Variants in KCNH1 observed in about 807,000 individuals in gnomAD.
KCNH1 encodes voltage-gated delayed rectifier potassium channel KCNH1.
Under a neutral mutation model 69.2 loss-of-function variants are expected in KCNH1, and 27 were observed. The ratio of observed to expected loss-of-function variants is 0.39; its 90% CI spans 0.29 to 0.54. KCNH1 has a LOEUF of 0.54. KCNH1 is among the 20% of genes least tolerant of loss of function. The probability of loss-of-function intolerance (pLI) is 0.68; values close to 1 mark genes in which losing one functional copy is unlikely to be tolerated. For synonymous variants in KCNH1, 456 were observed against 487.7 expected (o/e 0.93, Z 0.86); for missense variants, 798 against 1,261.6 (o/e 0.63, Z 5.57).
chr1:210,856,893 AT>A (rs1172769535), intron 7 of KCNH1, among the ~76,000 whole-genome samples: 4 of 136,416 alleles, frequency 2.9e-5, no homozygotes, highest in Non-Finnish European at 6.3e-5. Context: ...ATATATATAT[AT>A]ATATAAAATA....
chr1:210,916,828 G>A (rs529494507), intron 7 of KCNH1, among the ~76,000 whole-genome samples: 2 of 152,184 alleles, frequency 1.3e-5, no homozygotes, highest in Non-Finnish European at 2.9e-5. Context: ...ATGCAGAAGT[G>A]ACTACCCGTG....
intron 7 of KCNH1, among the ~76,000 whole-genome samples, chr1:210,865,041 T>C (rs1012383920): frequency 2.6e-5 from 4 of 152,194 alleles, no homozygotes; most frequent in Non-Finnish European, 5.9e-5. Context: ...ACTTAGCCTA[T>C]CACTATAATG....
chr1:211,059,724 C>T (rs560735872), intron 5 of KCNH1, among the ~76,000 whole-genome samples: 4 of 151,612 alleles, frequency 2.6e-5, no homozygotes, highest in Admixed American at 2.6e-4. Flanking sequence ...GCCTGGGCGA[C>T]AGAGCGAGAC....
At position 210,735,481 on chromosome 1, in the gene KCNH1, C is replaced by T. The variant is rs74929613; in HGVS notation, c.2112+39867G>A. ...GTGTGTGTGTGATGCTGGGATGGGGCGGGGGAAGTGTTGATAGGTGCCAGG... is the reference window on the plus strand; with the variant it reads ...GTGTGTGTGTGATGCTGGGATGGGGTGGGGGAAGTGTTGATAGGTGCCAGG... On this transcript the variant is annotated intron_variant, in intron 10 of 10. Coordinates refer to ENST00000271751, the MANE Select transcript of KCNH1 (RefSeq NM_172362.3). Among the ~76,000 whole-genome samples, 847 of 136,580 alleles carry T rather than the reference C, an allele frequency of 6.2e-3. 10 individuals carry two copies. Among genetic ancestry groups the T allele is most frequent in the East Asian group, 0.039 (181 of 4,638 alleles). The allele number at this position is 136,580 out of a possible 152,430, so 89.6% of individuals were successfully genotyped here.
At chr1:210,685,613 C>T in intron 10 of KCNH1, among the ~76,000 whole-genome samples, 1 of 152,218 alleles carries the variant, frequency 6.6e-6, no homozygotes, top group East Asian at 1.9e-4. Context: ...AGGAAAATCT[C>T]TACTTTTCAG....
chr1:210,790,135 T>A (rs1295789949), intron 9 of KCNH1, among the ~76,000 whole-genome samples: 1 of 152,236 alleles, frequency 6.6e-6, no homozygotes, highest in African/African-American at 2.4e-5. Context: ...TTTAGAAAAC[T>A]ATTCCTATGT....
rs773735492 is a variant in KCNH1, at chr1:210,683,648, G to A, written c.2603C>T (p.Ala868Val). 4.1e-5 allele frequency: 66 copies of A among 1,614,062 alleles called. No homozygotes were observed. The highest frequency in any genetic ancestry group is 3.3e-4 in the Middle Eastern group (2 of 6,084). ...SMETLPERTK[A>V]SGEATLKKTD... ...CTTCTTCAGTGTGGCCTCGCCTGAC[G>A]CTTTTGTCCTCTCGGGAAGTGTCTC... Residue 868 changes from alanine to valine, a missense_variant, in exon 11 of 11, where the codon GCG (alanine) becomes GTG (valine). Transcript: ENST00000271751. This position sits in a 1 kb window ranked among gnomAD's most constrained non-coding sequence, Gnocchi z 5.7.
chr1:210,894,414 C>T (rs1686817398), intron 7 of KCNH1, among the ~76,000 whole-genome samples: 1 of 152,160 alleles, frequency 6.6e-6, no homozygotes, highest in South Asian at 2.1e-4. Context: ...TGTGCAAGCA[C>T]CAGTCACTGT....
chr1:210,903,504 A>T (rs1687037770), intron 7 of KCNH1, among the ~76,000 whole-genome samples: 1 of 152,236 alleles, frequency 6.6e-6, no homozygotes, highest in Admixed American at 6.5e-5. Flanking sequence ...GTATTTCATT[A>T]TATCAACAAA....
chr1:210,710,442 C>T (rs1052479507), intron 10 of KCNH1, among the ~76,000 whole-genome samples: 47 of 151,812 alleles, frequency 3.1e-4, no homozygotes, highest in African/African-American at 1.1e-3. Context: ...GAGAGATATA[C>T]GAAGAGATGT....
intron 6 of KCNH1, among the ~76,000 whole-genome samples, chr1:211,008,867 C>T (rs1428154073): frequency 6.6e-6 from 1 of 152,098 alleles, no homozygotes; most frequent in African/African-American, 2.4e-5. Context: ...AGGAGATTAG[C>T]TATAACAAAG....
intron 6 of KCNH1, among the ~76,000 whole-genome samples, chr1:210,937,969 A>G (rs1037252801): frequency 3.3e-5 from 5 of 152,152 alleles, no homozygotes; most frequent in Admixed American, 6.6e-5. Context: ...CTATTCACTA[A>G]TGACCTGCAA....
intron 10 of KCNH1, among the ~76,000 whole-genome samples, chr1:210,725,508 T>C (rs908008087): frequency 6.6e-6 from 1 of 152,168 alleles, no homozygotes. Flanking sequence ...ATGATGGACC[T>C]GCCTATGGCT....
chr1:210,982,793 G>A (rs1298599413), intron 6 of KCNH1, among the ~76,000 whole-genome samples: 1 of 152,186 alleles, frequency 6.6e-6, no homozygotes, highest in Non-Finnish European at 1.5e-5. Context: ...CCAGTAATGG[G>A]ATGGCTGGGT....
intron 7 of KCNH1, among the ~76,000 whole-genome samples, chr1:210,857,190 A>T (rs1685869091): frequency 6.6e-6 from 1 of 151,566 alleles, no homozygotes; most frequent in African/African-American, 2.4e-5. Flanking sequence ...GTTACTGTTC[A>T]CACCAGCGAC....
At chr1:210,896,572 A>G (rs1025519998) in intron 7 of KCNH1, among the ~76,000 whole-genome samples, 1 of 152,230 alleles carries the variant, frequency 6.6e-6, no homozygotes, top group Non-Finnish European at 1.5e-5. Context: ...GCTGGACCCT[A>G]GACCCTCAGC....
rs1257176156 is a variant in KCNH1 at position 211,103,531 on chromosome 1, A to C, written c.275T>G (p.Met92Arg). 84 of 1,613,118 alleles carry C rather than the reference A, an allele frequency of 5.2e-5. No individual in the cohort carries two copies. The highest frequency in any genetic ancestry group is 6.7e-5 in the Non-Finnish European group (79 of 1,179,438). ...GTACATCAGAATTTCAAAGGAATTC[A>C]TCTCATAGTTCTCAAATGTTTGCCG... ...KVRQTFENYE[M>R]NSFEILMYKK... Residue 92 changes from methionine to arginine, a missense_variant, in exon 3 of 11, where the codon ATG (methionine) becomes AGG (arginine). Physicochemically the swap from Met to Arg is moderately conservative, Grantham distance 91. Around this residue, in one of 4 missense-constraint regions of KCNH1, gnomAD observed 266 missense variants for 457.2 expected, o/e 0.58. Coordinates refer to ENST00000271751, the MANE Select transcript of KCNH1 (RefSeq NM_172362.3).
intron 7 of KCNH1, among the ~76,000 whole-genome samples, chr1:210,837,478 A>G (rs2102448540): frequency 6.6e-6 from 1 of 152,354 alleles, no homozygotes; most frequent in South Asian, 2.1e-4. Context: ...AATGAGTTCA[A>G]TAAAATAGCG....
At chr1:211,123,901 G>A (rs1301054512) in intron 1 of KCNH1, among the ~76,000 whole-genome samples, 1 of 152,120 alleles carries the variant, frequency 6.6e-6, no homozygotes, top group Non-Finnish European at 1.5e-5. Context: ...GGTGTTACTA[G>A]GGACACGTGA....
Sources: gnomAD v4.1 joint callset for allele counts (sites outside exome capture counted in the v4.1 genomes callset) on GRCh38, gnomAD v4.1.1 for gene constraint, gnomAD v4.1.1 regional missense constraint, Gnocchi (gnomAD v3.1) non-coding constraint, MANE v1.5 for transcripts, NCBI Gene and HGNC (gene_info 2026-07-23, HGNC 2026-07-21) for gene names.